ESRRG: variants seen among roughly 807,000 people sequenced by gnomAD.
ESRRG encodes estrogen related receptor gamma.
Under a neutral mutation model 44.0 loss-of-function variants are expected in ESRRG, and 13 were observed. That is an observed-to-expected ratio of 0.30 (90% CI 0.19 to 0.47). ESRRG has a LOEUF of 0.47. Among genes scored for constraint, ESRRG ranks in the 20% least tolerant of loss-of-function variants. The pLI is 1.00. For missense variants in ESRRG, 395 were observed against 580.6 expected, an observed-to-expected ratio of 0.68 and a Z score of 3.29; for synonymous variants, 215 against 214.6, an observed-to-expected ratio of 1.00 and a Z score of -0.02.
At chr1:216,950,951 T>C (rs2150071156) in intron 1 of ESRRG, among the ~76,000 whole-genome samples, 1 of 152,278 alleles carries the variant, frequency 6.6e-6, no homozygotes, top group East Asian at 1.9e-4. Flanking sequence ...AAAACCGAGA[T>C]GTGATATCTT....
At chr1:216,951,240 A>C (rs1264166165) in intron 1 of ESRRG, among the ~76,000 whole-genome samples, 1 of 152,228 alleles carries the variant, frequency 6.6e-6, no homozygotes, top group Non-Finnish European at 1.5e-5. Flanking sequence ...TAGTAACATT[A>C]AGCTTAGGTA....
chr1:216,889,042 T>C (rs1313398914), intron 2 of ESRRG, among the ~76,000 whole-genome samples: 1 of 152,218 alleles, frequency 6.6e-6, no homozygotes, highest in Non-Finnish European at 1.5e-5. Flanking sequence ...ATTTCAGAGT[T>C]TAAAACCTTT....
chr1:217,046,143 C>T (rs2084842148), intron 1 of ESRRG, among the ~76,000 whole-genome samples: 2 of 151,774 alleles, frequency 1.3e-5, no homozygotes, highest in South Asian at 4.2e-4. Flanking sequence ...CCACTGAGAG[C>T]CTAAGCTGCA....
At chr1:216,934,792 T>A (rs967330328) in intron 2 of ESRRG, among the ~76,000 whole-genome samples, 19 of 152,146 alleles carry the variant, frequency 1.2e-4, no homozygotes, top group African/African-American at 3.6e-4. Flanking sequence ...CATTGTTTTT[T>A]AAAAAGTGGT....
At chr1:217,051,878 T>A (rs2086114145) in intron 1 of ESRRG, among the ~76,000 whole-genome samples, 2 of 152,088 alleles carry the variant, frequency 1.3e-5, no homozygotes, top group Admixed American at 1.3e-4. Context: ...TCCTCCCCCC[T>A]CAGCCTCCTG....
intron 5 of ESRRG, among the ~76,000 whole-genome samples, chr1:216,529,444 T>C (rs1455803748): frequency 6.6e-6 from 1 of 152,170 alleles, no homozygotes. Context: ...CATTTTAGGA[T>C]CAAAAATATG....
chr1:216,892,573 A>T (rs972914838), intron 2 of ESRRG, among the ~76,000 whole-genome samples: 1 of 152,170 alleles, frequency 6.6e-6, no homozygotes, highest in African/African-American at 2.4e-5. Context: ...GCTAAAGTGG[A>T]TGTTGGGGGT....
intron 1 of ESRRG, among the ~76,000 whole-genome samples, chr1:217,013,374 A>C (rs2078909647): frequency 6.6e-6 from 1 of 152,252 alleles, no homozygotes; most frequent in African/African-American, 2.4e-5. Flanking sequence ...ACAGATTGAG[A>C]ACTAACATGA....
At chr1:216,622,103 C>T (rs1014970264) in intron 3 of ESRRG, among the ~76,000 whole-genome samples, 15 of 152,232 alleles carry the variant, frequency 9.9e-5, no homozygotes, top group Admixed American at 8.5e-4. Context: ...ATCTACTTCT[C>T]TATCCTTAGC....
intron 2 of ESRRG, among the ~76,000 whole-genome samples, chr1:216,885,073 C>A (rs2096496312): frequency 6.6e-6 from 1 of 152,114 alleles, no homozygotes; most frequent in South Asian, 2.1e-4. Context: ...CATAGTCCAA[C>A]TATTCCAAGT....
At chr1:216,568,404 C>T (rs2060070588) in intron 3 of ESRRG, among the ~76,000 whole-genome samples, 1 of 152,140 alleles carries the variant, frequency 6.6e-6, no homozygotes, top group African/African-American at 2.4e-5. Context: ...CTATTTGGTG[C>T]TAGTATAGTT....
chr1:216,892,822 C>A (rs1163585016), intron 2 of ESRRG, among the ~76,000 whole-genome samples: 1 of 152,082 alleles, frequency 6.6e-6, no homozygotes, highest in Non-Finnish European at 1.5e-5. Context: ...CTCCACCACC[C>A]GCCCTGCTTG....
At chr1:216,976,727 T>C (rs1291218379) in intron 1 of ESRRG, among the ~76,000 whole-genome samples, 2 of 152,144 alleles carry the variant, frequency 1.3e-5, no homozygotes, top group Non-Finnish European at 2.9e-5. Flanking sequence ...TACCCTTCAG[T>C]GATGTGGTTT....
chr1:216,541,863 CA>C (rs2052902433), intron 5 of ESRRG, among the ~76,000 whole-genome samples: 1 of 151,744 alleles, frequency 6.6e-6, no homozygotes, highest in East Asian at 1.9e-4. Flanking sequence ...TGACTCACAC[CA>C]AACCTTCTTG....
chr1:216,996,383 G>A (rs1161054765), intron 1 of ESRRG, among the ~76,000 whole-genome samples: 1 of 152,064 alleles, frequency 6.6e-6, no homozygotes, highest in South Asian at 2.1e-4. Context: ...AGGGTAAGGG[G>A]ATGAGAGGAG....
chr1:217,102,352 C>T (rs1558263247), intron 1 of ESRRG, among the ~76,000 whole-genome samples: 1 of 152,140 alleles, frequency 6.6e-6, no homozygotes, highest in East Asian at 1.9e-4. Context: ...TACAGCATTG[C>T]TGCTATTATT....
chr1:216,610,723 G>A (rs892624629), intron 3 of ESRRG, among the ~76,000 whole-genome samples: 2 of 151,970 alleles, frequency 1.3e-5, no homozygotes, highest in Non-Finnish European at 2.9e-5. Context: ...ATGTACATGT[G>A]TGTATTTTAT....
chr1:216,804,792 C>T (rs977201052), intron 2 of ESRRG, among the ~76,000 whole-genome samples: 6 of 152,048 alleles, frequency 3.9e-5, no homozygotes, highest in South Asian at 4.2e-4. Context: ...CTTCCCCAAC[C>T]GAGATACCTT....
chr1:216,736,333 G>A (rs1465730925), intron 2 of ESRRG, among the ~76,000 whole-genome samples: 2 of 151,580 alleles, frequency 1.3e-5, no homozygotes, highest in South Asian at 2.1e-4. Flanking sequence ...ACAGCCGTCC[G>A]CCACCACGCC....
Sources: allele counts gnomAD v4.1 joint callset (sites outside exome capture counted in the v4.1 genomes callset), GRCh38; gene constraint gnomAD v4.1.1; transcripts MANE v1.5; gene names NCBI Gene and HGNC (gene_info 2026-07-23, HGNC 2026-07-21).